The following SP140 variants were observed in gnomAD, a reference collection of about 807,000 sequenced individuals.
SP140 encodes nuclear body protein SP140.
In SP140, 81 loss-of-function variants were observed where a neutral mutation model predicts 125.0. The observed-to-expected ratio is 0.65, with a 90% CI of 0.54 to 0.78. The LOEUF (loss-of-function observed/expected upper bound fraction) is 0.78, where lower values mean the gene tolerates loss of function less well. Ranked by LOEUF, SP140 falls within the 30% of genes least tolerant of loss-of-function variation. The pLI is 0.00. For synonymous variants in SP140, 312 were observed against 354.0 expected (o/e 0.88, Z 1.33); for missense variants, 858 against 1,037.0 (o/e 0.83, Z 2.37).
At chr2:230,186,215 G>T in the SP140 span, 1 of 1,433,032 alleles carries the variant, frequency 7.0e-7, no homozygotes, top group Non-Finnish European at 9.8e-7. Context: ...CCTTTCAGGA[G>T]TTATCTTGCC....
At chr2:230,226,987 T>G (rs973296372) in intron 1 of SP140, among the ~76,000 whole-genome samples, 2 of 152,154 alleles carry the variant, frequency 1.3e-5, no homozygotes, top group African/African-American at 4.8e-5. Context: ...TGATTTAAAA[T>G]ATACAGGAGG....
intron 21 of SP140, among the ~76,000 whole-genome samples, chr2:230,296,722 A>G (rs2149516936): frequency 6.6e-6 from 1 of 152,292 alleles, no homozygotes; most frequent in African/African-American, 2.4e-5. Flanking sequence ...GTGGGAGATA[A>G]GTCCTCAGCC....
intron 4 of SP140, among the ~76,000 whole-genome samples, chr2:230,242,107 G>T (rs2048811052): frequency 6.6e-6 from 1 of 152,078 alleles, no homozygotes; most frequent in East Asian, 1.9e-4. Flanking sequence ...ACACAGCAGA[G>T]AAAAGGTAAA....
At chr2:230,219,271 A>G (rs769063823) in intron 3 of SP140, among the ~76,000 whole-genome samples, 1 of 152,354 alleles carries the variant, frequency 6.6e-6, no homozygotes, top group East Asian at 1.9e-4. Flanking sequence ...AATGAAGACA[A>G]TTTGATAACA....
chr2:230,194,871 T>C, the SP140 span, among the ~76,000 whole-genome samples: 1 of 152,132 alleles, frequency 6.6e-6, no homozygotes, highest in Non-Finnish European at 1.5e-5. Flanking sequence ...ACCAAGTTGG[T>C]GTTAGGTTTG....
the SP140 span, among the ~76,000 whole-genome samples, chr2:230,193,737 C>T: frequency 6.6e-6 from 1 of 152,148 alleles, no homozygotes; most frequent in South Asian, 2.1e-4. Context: ...ATTTTTCATC[C>T]TTGCAAATAG....
upstream of SP140, among the ~76,000 whole-genome samples, chr2:230,201,727 C>T (rs898091077): frequency 6.6e-6 from 1 of 152,222 alleles, no homozygotes; most frequent in Non-Finnish European, 1.5e-5. Flanking sequence ...ATTTTCCAAA[C>T]AGCTGTACTA....
Position 230,313,047 on chromosome 2 carries a change from C to A in SP140, c.*363C>A, listed in dbSNP as rs565881975. ...AGCTTTATTCAGGACACACTTCTTG[C>A]CTTCACTTTCCCACTTCCGTGGCCA... On this transcript the variant is annotated 3_prime_UTR_variant, in exon 27 of 27. Coordinates refer to ENST00000392045, the MANE Select transcript of SP140 (RefSeq NM_007237.5). 5.0e-5 allele frequency: 11 copies of A among 219,150 alleles called. No individual in the cohort carries two copies. Among genetic ancestry groups the A allele is most frequent in the South Asian group, 4.3e-4 (7 of 16,198 alleles). The allele number at this position is 219,150 out of a possible 1,614,324, so 13.6% of individuals were successfully genotyped here.
Position 230,243,619 on chromosome 2 carries a change from G to C in SP140, c.491-112G>C, listed in dbSNP as rs960501170. On this transcript the variant is annotated intron_variant, in intron 4 of 26. Transcript: ENST00000392045. ...CTCAGGTCAGGTTGTTTGGGGAGAG[G>C]GGACCTTCCAGATTATCAGGTTTTC... The C allele has an allele frequency of 3.8e-6, 3 of 798,702 alleles. No individual in the cohort carries two copies. In the East Asian group the frequency reaches 7.7e-5, roughly 20 times the overall value. 49.5% of individuals were successfully genotyped at this position (798,702 alleles called of 1,614,324 possible).
At chr2:230,210,709 C>T (rs1047868207) in intron 1 of SP140, among the ~76,000 whole-genome samples, 5 of 152,224 alleles carry the variant, frequency 3.3e-5, no homozygotes, top group African/African-American at 1.2e-4. Context: ...CAAATAAAGG[C>T]TCATCTCACA....
rs192070463 is a variant in SP140, at chr2:230,301,445, A to G, written c.2058+3983A>G. ...TGATTAACAGCAGACTTCTCAGCAG[A>G]AACCCTACAAGCTAGAAGGCTTTGG... On this transcript the variant is annotated intron_variant, in intron 22 of 26. Transcript: ENST00000392045. Among the ~76,000 whole-genome samples, 70 of 152,368 alleles carry G rather than the reference A, an allele frequency of 4.6e-4. No homozygotes were observed. The East Asian group carries it at 0.012, about 26-fold the overall frequency.
intron 18 of SP140, among the ~76,000 whole-genome samples, chr2:230,288,354 C>G (rs529957385): frequency 2.0e-4 from 30 of 152,170 alleles, no homozygotes; most frequent in Non-Finnish European, 4.1e-4. Context: ...AGATCTGTGT[C>G]CTAAGACTTT....
At chr2:230,260,727 G>T (rs1292790954) in intron 12 of SP140, among the ~76,000 whole-genome samples, 1 of 152,120 alleles carries the variant, frequency 6.6e-6, no homozygotes, top group African/African-American at 2.4e-5. Context: ...TGGTTTGTTT[G>T]CTTTGTCAAA....
chr2:230,287,491 C>T (rs2056536847), intron 17 of SP140, among the ~76,000 whole-genome samples: 1 of 152,046 alleles, frequency 6.6e-6, no homozygotes, highest in Non-Finnish European at 1.5e-5. Context: ...TGACGGTAAT[C>T]ATCATTTTGA....
chr2:230,258,685 C>T (rs183528978), intron 12 of SP140, among the ~76,000 whole-genome samples: 2 of 152,300 alleles, frequency 1.3e-5, no homozygotes, highest in African/African-American at 4.8e-5. Flanking sequence ...GGCTTTCCCA[C>T]ATGTGCTGTT....
At chr2:230,267,278 G>A (rs1191268078) in intron 12 of SP140, among the ~76,000 whole-genome samples, 1 of 152,144 alleles carries the variant, frequency 6.6e-6, no homozygotes, top group African/African-American at 2.4e-5. Flanking sequence ...CGTAGTGTAG[G>A]TATACTAATG....
intron 10 of SP140, among the ~76,000 whole-genome samples, chr2:230,252,008 C>G (rs1277702766): frequency 6.6e-6 from 1 of 151,878 alleles, no homozygotes; most frequent in African/African-American, 2.4e-5. Context: ...TAGACTGAGT[C>G]CAATGTGGAT....
intron 22 of SP140, among the ~76,000 whole-genome samples, chr2:230,300,945 CATAA>C (rs1278185683): frequency 6.6e-6 from 1 of 151,996 alleles, no homozygotes; most frequent in African/African-American, 2.4e-5. Context: ...AAATAGATAT[CATAA>C]ATAAAAATCA....
intron 12 of SP140, among the ~76,000 whole-genome samples, chr2:230,260,247 G>A (rs565111885): frequency 2.6e-5 from 4 of 152,048 alleles, no homozygotes; most frequent in Non-Finnish European, 4.4e-5. Flanking sequence ...CTTCTTTTAC[G>A]AACTGTCTAT....
Sources: gnomAD v4.1 joint callset for allele counts (sites outside exome capture counted in the v4.1 genomes callset) on GRCh38, gnomAD v4.1.1 for gene constraint, MANE v1.5 for transcripts, NCBI Gene and HGNC (gene_info 2026-07-23, HGNC 2026-07-21) for gene names.